Variants in PSAT1 observed in about 807,000 individuals in gnomAD.
The protein encoded by PSAT1 is phosphoserine aminotransferase.
A neutral mutation model predicts 40.3 loss-of-function variants in PSAT1; 41 were observed. The observed-to-expected ratio is 1.02, with a 90% confidence interval of 0.79 to 1.32. The LOEUF (loss-of-function observed/expected upper bound fraction) is 1.32. Among genes scored for constraint, PSAT1 ranks in the 40% most tolerant of loss-of-function variants. PSAT1 has a pLI of 0.00. For missense variants in PSAT1, 406 were observed against 455.8 expected (o/e 0.89, Z 0.99); for synonymous variants, 147 against 170.5 (o/e 0.86, Z 1.07).
chr9:78,305,037 C>T, intron 4 of PSAT1, 97 bp downstream of exon 4: 1 of 1,089,070 alleles, frequency 9.2e-7, no homozygotes, highest in Non-Finnish European at 1.3e-6. Flanking sequence ...CTCCCCTTGA[C>T]AGTGTTAGTT....
At chr9:78,304,583 G>A (rs1209346770) in intron 3 of PSAT1, 152 bp from the exon 4 acceptor site, 13 of 763,692 alleles carry the variant, frequency 1.7e-5, no homozygotes, top group Non-Finnish European at 2.5e-5. Flanking sequence ...ATAAATAAAT[G>A]AGTGAATTAG....
intron 6 of PSAT1, among the ~76,000 whole-genome samples, chr9:78,315,705 G>A (rs1828334022): frequency 6.6e-6 from 1 of 152,214 alleles, no homozygotes. Context: ...GCAGCCCGGT[G>A]TTGGCTTTTG....
At chr9:78,326,955 A>ATATATATATATATATATATATATTTT in intron 7 of PSAT1, among the ~76,000 whole-genome samples, 1 of 75,934 alleles carries the variant, frequency 1.3e-5, no homozygotes, top group African/African-American at 9.5e-5. Context: ...ATATATATAT[A>ATATATATATATATATATATATATTTT]TTTTTTTTTT....
rs74451333 is a variant in PSAT1 at position 78,313,728 on chromosome 9, G to A, written c.741-3948G>A. Among the ~76,000 whole-genome samples the A allele has an allele frequency of 5.7e-3, 872 of 152,148 alleles. 2 individuals are homozygous for A. Among genetic ancestry groups the A allele is most frequent in the Middle Eastern group, 0.01 (3 of 294 alleles). ...AGTGTGATGATAGCTCTCAGAAACC[G>A]CAAACTCGTAGGCTCAAGTGATCCT... On this transcript the variant is annotated intron_variant, in intron 6 of 8. Transcript: ENST00000376588.
chr9:78,301,546 C>T lies in PSAT1; in HGVS notation c.122-408C>T, dbSNP rs533410653. Among the ~76,000 whole-genome samples the T allele has an allele frequency of 5.9e-5, 9 of 152,172 alleles. No homozygotes were observed. In the South Asian group the frequency reaches 1.7e-3, roughly 28 times the overall value. Reference sequence around the variant, plus strand: ...TTGCTTATTTCTGTTAAATTTTGCTCCTGTTGGTTTGGGACATATACTTAG... The same window carrying T: ...TTGCTTATTTCTGTTAAATTTTGCTTCTGTTGGTTTGGGACATATACTTAG... On this transcript the variant is annotated intron_variant, in intron 2 of 8. Transcript: ENST00000376588.
At chr9:78,301,405 T>C (rs1231573706) in intron 2 of PSAT1, among the ~76,000 whole-genome samples, 1 of 152,228 alleles carries the variant, frequency 6.6e-6, no homozygotes, top group Non-Finnish European at 1.5e-5. Flanking sequence ...GATAATCTTA[T>C]TAAGTTTCCC....
chr9:78,327,734 T>C (rs1828522010), intron 7 of PSAT1, among the ~76,000 whole-genome samples: 1 of 152,178 alleles, frequency 6.6e-6, no homozygotes, highest in Non-Finnish European at 1.5e-5. Context: ...GGAAGCTTCA[T>C]ATATGTAGTA....
chr9:78,327,190 T>C lies in PSAT1; in HGVS notation c.870-861T>C, dbSNP rs555069567. Among the ~76,000 whole-genome samples, 194 of 151,604 alleles carry C rather than the reference T, an allele frequency of 1.3e-3. 1 individual carries two copies. The highest frequency in any genetic ancestry group is 4.5e-3 in the African/African-American group (187 of 41,224). On this transcript the variant is annotated intron_variant, in intron 7 of 8. Coordinates refer to ENST00000376588, the MANE Select transcript of PSAT1 (RefSeq NM_058179.4). The stretch of plus-strand genomic sequence containing the variant: ...GTTAATCAGGCTGATCTCAAACTCC[T>C]GACCTCGTGATCCACCTGCCTCGGC...
chr9:78,307,817 G>A (rs1255759860), intron 5 of PSAT1, among the ~76,000 whole-genome samples: 7 of 152,104 alleles, frequency 4.6e-5, no homozygotes, highest in Admixed American at 4.6e-4. Context: ...CGAGGAGGGT[G>A]GATCATGAGA....
intron 3 of PSAT1, among the ~76,000 whole-genome samples, chr9:78,304,472 C>T (rs1828151700): frequency 6.6e-6 from 1 of 152,200 alleles, no homozygotes; most frequent in Admixed American, 6.5e-5. Context: ...CCTAAAGGAA[C>T]ATCAGGCTGT....
rs1040769796 is a variant in PSAT1, at chr9:78,298,344, C to T, written c.60+1074C>T. 10 of 982,414 alleles carry T rather than the reference C, an allele frequency of 1.0e-5. 1 individual carries two copies. The South Asian group carries it at 4.7e-4, about 46-fold the overall frequency. The allele number at this position is 982,414 out of a possible 1,614,324, so 60.9% of individuals were successfully genotyped here. ...GCATAGCCAAGTATTTTACAATTAT[C>T]AATTGTTGAGCAGAGTAGAAATCTC... is the stretch of plus-strand genomic sequence containing the variant. On this transcript the variant is annotated intron_variant, in intron 1 of 8. Coordinates refer to ENST00000376588, the MANE Select transcript of PSAT1 (RefSeq NM_058179.4).
chr9:78,305,617 T>C (rs746010916), intron 4 of PSAT1, among the ~76,000 whole-genome samples: 1 of 152,138 alleles, frequency 6.6e-6, no homozygotes, highest in Non-Finnish European at 1.5e-5. Flanking sequence ...GACCTTATAT[T>C]CTCCCAAGTT....
At chr9:78,306,134 T>C (rs964179610) in intron 4 of PSAT1, among the ~76,000 whole-genome samples, 180 bp from the exon 5 acceptor site, 1 of 152,226 alleles carries the variant, frequency 6.6e-6, no homozygotes, top group Admixed American at 6.5e-5. Flanking sequence ...CCTCTCAGGA[T>C]GTTGATAACG....
At chr9:78,317,586 T>C in intron 6 of PSAT1, 90 bp from the exon 7 acceptor site, 5 of 1,432,208 alleles carry the variant, frequency 3.5e-6, no homozygotes, top group Non-Finnish European at 4.9e-6. Context: ...TTAAGTCTGT[T>C]TTAATGCACC....
chr9:78,297,190 C>G lies in PSAT1; in HGVS notation c.-21C>G, dbSNP rs755752948. 6 of 1,592,636 alleles carry G rather than the reference C, an allele frequency of 3.8e-6. No homozygotes were observed. In the South Asian group the frequency reaches 5.7e-5, roughly 15 times the overall value. On this transcript the variant is annotated 5_prime_UTR_variant, in exon 1 of 9. Coordinates refer to ENST00000376588, the MANE Select transcript of PSAT1 (RefSeq NM_058179.4). ...CGCGTTCGGTCCTCCTTGGCTGACTCACCGCCCTGGCCGCCGCACCATGGA... is the reference window on the plus strand; with the variant it reads ...CGCGTTCGGTCCTCCTTGGCTGACTGACCGCCCTGGCCGCCGCACCATGGA...
rs761364177 is a variant in PSAT1, at chr9:78,300,645, T to A, written c.104T>A (p.Val35Asp). The A allele has an allele frequency of 4.4e-6, 7 of 1,609,120 alleles. No homozygotes were observed. The East Asian group carries it at 1.6e-4, about 36-fold the overall frequency. The change falls in exon 2 of 9, where the codon GTT (valine) becomes GAT (aspartate). Residue 35 changes from valine (V) to aspartate (D), a missense_variant. Physicochemically the swap from Val to Asp is radical, Grantham distance 152 (BLOSUM62 -3). Transcript: ENST00000376588. ...IQKELLDYKG[V>D]GISVLEMSHR... Reference sequence around the variant, plus strand: ...AAGGAATTATTAGACTACAAAGGAGTTGGCATTAGTGTTCTTGGTAAGATT... The same window carrying A: ...AAGGAATTATTAGACTACAAAGGAGATGGCATTAGTGTTCTTGGTAAGATT...
chr9:78,306,785 A>G (rs1828190829), intron 5 of PSAT1, among the ~76,000 whole-genome samples: 2 of 152,120 alleles, frequency 1.3e-5, no homozygotes, highest in African/African-American at 2.4e-5. Flanking sequence ...ACGGGGAGAG[A>G]CTTGTCTTCA....
intron 3 of PSAT1, among the ~76,000 whole-genome samples, chr9:78,302,558 C>G (rs1564012703): frequency 6.6e-6 from 1 of 151,932 alleles, no homozygotes; most frequent in African/African-American, 2.4e-5. Flanking sequence ...GAAACCCCAT[C>G]TACTAAAAAT....
intron 6 of PSAT1, among the ~76,000 whole-genome samples, chr9:78,313,320 G>A (rs1222922395): frequency 2.0e-5 from 3 of 152,164 alleles, no homozygotes; most frequent in Non-Finnish European, 2.9e-5. Flanking sequence ...AGCTGAGATC[G>A]TGCCACTGCA....
Sources: gnomAD v4.1 joint callset for allele counts (sites outside exome capture counted in the v4.1 genomes callset) on GRCh38, gnomAD v4.1.1 for gene constraint, MANE v1.5 for transcripts, NCBI Gene and HGNC (gene_info 2026-07-23, HGNC 2026-07-21) for gene names.